The following FMR1NB variants were observed in gnomAD, a reference collection of about 807,000 sequenced individuals.
FMR1NB encodes FMR1 neighbor protein.
FMR1NB carries 10 observed loss-of-function variants against 16.8 expected under a neutral mutation model. That is an observed-to-expected ratio of 0.60 (90% confidence interval 0.37 to 1.01). FMR1NB has a LOEUF of 1.01. Ranked by LOEUF, FMR1NB falls within the 50% of genes least tolerant of loss-of-function variation. FMR1NB has a pLI of 0.01. For missense variants in FMR1NB, 205 were observed against 204.8 expected, an observed-to-expected ratio of 1.00 and a Z score of 0.00; for synonymous variants, 83 against 79.1, an observed-to-expected ratio of 1.05 and a Z score of -0.26.
chrX:147,992,058 C>T (rs1237732305), intron 1 of FMR1NB, among the ~76,000 whole-genome samples: 2 of 112,233 alleles, frequency 1.8e-5, no homozygotes, highest in African/African-American at 6.5e-5. Context: ...ATGTCTACTT[C>T]CTTCCACACA....
rs1004372190 is a variant in FMR1NB at position 148,021,451 on chromosome X, G to A, written c.633-3414G>A. 1.5e-4 allele frequency among the ~76,000 whole-genome samples: 16 copies of A among 106,964 alleles called. No homozygotes were observed. In the South Asian group the frequency reaches 1.7e-3, roughly 12 times the overall value. 92.9% of individuals were successfully genotyped at this position (106,964 alleles called of 115,157 possible). On this transcript the variant is annotated intron_variant, in intron 4 of 5. Coordinates refer to ENST00000370467, the MANE Select transcript of FMR1NB (RefSeq NM_152578.3). ...TTGTTAAATTTGGTGTTCCTATGGCGGGGTAGGATGGGGGTAATTGTTAGA... is the reference window on the plus strand; with the variant it reads ...TTGTTAAATTTGGTGTTCCTATGGCAGGGTAGGATGGGGGTAATTGTTAGA...
At chrX:148,014,043 C>T (rs1603084841) in intron 4 of FMR1NB, among the ~76,000 whole-genome samples, 1 of 111,490 alleles carries the variant, frequency 9.0e-6, no homozygotes, top group East Asian at 2.8e-4. Flanking sequence ...GCCTTGAGTG[C>T]CTTTTCCCAT....
chrX:147,985,564 C>T (rs782658179), intron 1 of FMR1NB, among the ~76,000 whole-genome samples: 9 of 110,919 alleles, frequency 8.1e-5, no homozygotes, highest in Non-Finnish European at 1.7e-4. Flanking sequence ...TGAGAACATG[C>T]GGTGTTTAGT....
At chrX:148,023,958 G>A (rs1029444694) in intron 4 of FMR1NB, among the ~76,000 whole-genome samples, 6 of 111,324 alleles carry the variant, frequency 5.4e-5, no homozygotes, top group Middle Eastern at 4.6e-3. Flanking sequence ...GTTACTTTCC[G>A]TCTTGGTGCC....
intron 1 of FMR1NB, among the ~76,000 whole-genome samples, chrX:148,000,185 A>G (rs1557188552): frequency 1.8e-5 from 2 of 111,835 alleles, no homozygotes; most frequent in African/African-American, 6.5e-5. Context: ...CATGCTAATA[A>G]TTGCTTTGTA....
chrX:148,019,256 A>G (rs12009495), intron 4 of FMR1NB, among the ~76,000 whole-genome samples: 10,989 of 111,992 alleles, frequency 0.098, 576 homozygotes, highest in African/African-American at 0.2. Context: ...ATTATTTTTA[A>G]TTATTTCAAC....
chrX:147,989,785 A>G (rs1454958789), intron 1 of FMR1NB, among the ~76,000 whole-genome samples: 1 of 111,270 alleles, frequency 9.0e-6, no homozygotes, highest in Non-Finnish European at 1.9e-5. Flanking sequence ...AGTTCCACCC[A>G]GTCCTTAGCA....
At chrX:148,016,254 T>TGTAA (rs2124626335) in intron 4 of FMR1NB, among the ~76,000 whole-genome samples, 1 of 110,929 alleles carries the variant, frequency 9.0e-6, no homozygotes, top group Admixed American at 9.5e-5. Context: ...TTTTTTCTGA[T>TGTAA]GTAAGTATAG....
At chrX:148,005,164 AG>A (rs1557188992) in intron 2 of FMR1NB, among the ~76,000 whole-genome samples, 1 of 112,639 alleles carries the variant, frequency 8.9e-6, no homozygotes, top group East Asian at 2.8e-4. Flanking sequence ...CTGGGATTAC[AG>A]GCACTAGCCA....
chrX:148,024,571 A>C (rs910177272), intron 4 of FMR1NB, among the ~76,000 whole-genome samples: 1 of 112,000 alleles, frequency 8.9e-6, no homozygotes, highest in Non-Finnish European at 1.9e-5. Flanking sequence ...ATCTAAACTT[A>C]CCATTAAAGA....
At chrX:148,023,746 A>G (rs1334131379) in intron 4 of FMR1NB, among the ~76,000 whole-genome samples, 1 of 112,025 alleles carries the variant, frequency 8.9e-6, no homozygotes, top group Non-Finnish European at 1.9e-5. Context: ...AAGCCCTATA[A>G]GCATAAAAAT....
chrX:147,992,073 C>T (rs371012009), intron 1 of FMR1NB, among the ~76,000 whole-genome samples: 6 of 112,069 alleles, frequency 5.4e-5, no homozygotes, highest in African/African-American at 1.6e-4. Flanking sequence ...CACACAGACA[C>T]GGCAACTATC....
At chrX:148,000,106 A>T (rs367791139) in intron 1 of FMR1NB, among the ~76,000 whole-genome samples, 19 of 111,893 alleles carry the variant, frequency 1.7e-4, no homozygotes, top group African/African-American at 5.8e-4. Context: ...TCTCATTAAA[A>T]TGAGAAAGAA....
chrX:148,006,435 A>T (rs6626976), intron 2 of FMR1NB, among the ~76,000 whole-genome samples: 16,452 of 111,617 alleles, frequency 0.15, 1,670 homozygotes, highest in African/African-American at 0.37. Context: ...ACCACTCAGC[A>T]CATGATTTAT....
At chrX:147,981,805 C>T in intron 1 of FMR1NB, 126 bp downstream of exon 1, 1 of 777,481 alleles carries the variant, frequency 1.3e-6, no homozygotes, top group Admixed American at 3.8e-5. Context: ...GTCCTCTCTC[C>T]TCCCAAAGGC....
chrX:148,008,740 G>A (rs376100473), intron 4 of FMR1NB, 29 bp downstream of exon 4: 33 of 1,133,038 alleles, frequency 2.9e-5, no homozygotes, highest in Non-Finnish European at 3.5e-5. Context: ...TTATTTGCTC[G>A]TTGCTAAGTA....
rs1355625250 is a variant in FMR1NB, at chrX:148,026,631, T to C, written c.*143T>C. On this transcript the variant is annotated 3_prime_UTR_variant, in exon 6 of 6. Coordinates refer to ENST00000370467, the MANE Select transcript of FMR1NB (RefSeq NM_152578.3). ...TTTTTGTCATGTTTACTTTCAAACA[T>C]GAAATAAAATTGAGTTCTGTTTTCA... The C allele has an allele frequency of 8.9e-6, 1 of 111,812 alleles. No homozygotes were observed. The highest frequency in any genetic ancestry group is 3.2e-5 in the African/African-American group (1 of 30,778). The allele number at this position is 111,812 out of a possible 1,213,427, so 9.2% of individuals were successfully genotyped here.
At chrX:147,985,446 G>A (rs781833115) in intron 1 of FMR1NB, among the ~76,000 whole-genome samples, 2 of 110,979 alleles carry the variant, frequency 1.8e-5, no homozygotes, top group Non-Finnish European at 3.8e-5. Flanking sequence ...AGTGGTATTT[G>A]TCTGAATGCT....
chrX:148,009,821 A>T (rs943201798), intron 4 of FMR1NB, among the ~76,000 whole-genome samples: 1 of 112,388 alleles, frequency 8.9e-6, no homozygotes, highest in Non-Finnish European at 1.9e-5. Context: ...AAGAAGAGTT[A>T]GACTATATAC....
Sources: gnomAD v4.1 joint callset for allele counts (sites outside exome capture counted in the v4.1 genomes callset) on GRCh38, gnomAD v4.1.1 for gene constraint, MANE v1.5 for transcripts, NCBI Gene and HGNC (gene_info 2026-07-23, HGNC 2026-07-21) for gene names.